Variants in DLG2 observed in about 807,000 individuals in gnomAD.
The protein encoded by DLG2 is discs large MAGUK scaffold protein 2, also known as disks large homolog 2.
A neutral mutation model predicts 132.5 loss-of-function variants in DLG2; 45 were observed. The observed-to-expected ratio is 0.34, with a 90% CI of 0.27 to 0.44. The LOEUF is 0.44. Ranked by LOEUF, DLG2 falls within the 20% of genes least tolerant of loss-of-function variation. The probability of loss-of-function intolerance (pLI) is 1.00; values close to 1 mark genes in which losing one functional copy is unlikely to be tolerated. For missense variants in DLG2, 1,045 were observed against 1,196.9 expected (o/e 0.87, Z 1.87); for synonymous variants, 424 against 419.6 (o/e 1.01, Z -0.13).
intron 3 of DLG2, among the ~76,000 whole-genome samples, chr11:85,357,964 C>G (rs1379999915): frequency 6.6e-6 from 1 of 151,352 alleles, no homozygotes; most frequent in East Asian, 2.0e-4. Flanking sequence ...TACCTATGTT[C>G]TGAGCTACTA....
intron 4 of DLG2, among the ~76,000 whole-genome samples, chr11:85,215,175 G>A (rs1195116643): frequency 1.3e-5 from 2 of 151,824 alleles, no homozygotes; most frequent in Non-Finnish European, 2.9e-5. Context: ...GCTAAAACAT[G>A]TGTGTATTTT....
At chr11:85,437,494 A>T (rs1367378000) in intron 3 of DLG2, among the ~76,000 whole-genome samples, 1 of 152,194 alleles carries the variant, frequency 6.6e-6, no homozygotes, top group African/African-American at 2.4e-5. Context: ...CTATGTACCC[A>T]GGGTCTTTGC....
chr11:83,782,455 A>C (rs2094870139), intron 18 of DLG2, among the ~76,000 whole-genome samples: 2 of 152,244 alleles, frequency 1.3e-5, no homozygotes, highest in African/African-American at 4.8e-5. Flanking sequence ...GCAAACTGTC[A>C]TAATGGGCAC....
intron 7 of DLG2, among the ~76,000 whole-genome samples, chr11:84,285,816 G>T (rs79920080): frequency 0.016 from 2,479 of 152,186 alleles, 75 homozygotes; most frequent in African/African-American, 0.056. Context: ...CTTCATTATG[G>T]ATAAAAACTA....
At chr11:84,038,511 C>T (rs928912263) in intron 11 of DLG2, among the ~76,000 whole-genome samples, 5 of 151,768 alleles carry the variant, frequency 3.3e-5, no homozygotes, top group Admixed American at 2.6e-4. Flanking sequence ...AAAGTATTTG[C>T]TTATTAAAAA....
rs540632498 is a variant in DLG2, at chr11:84,001,190, A to G, written c.920-20548T>C. On this transcript the variant is annotated intron_variant, in intron 11 of 27. Transcript: ENST00000376104. Reference sequence around the variant, plus strand: ...AACATGATCCAACTATATGCTGCCTATAAGAAACATACTTTACCTATAAAA... The same window carrying G: ...AACATGATCCAACTATATGCTGCCTGTAAGAAACATACTTTACCTATAAAA... Among the ~76,000 whole-genome samples, 42 of 152,130 alleles carry G rather than the reference A, an allele frequency of 2.8e-4. No homozygotes were observed. In the South Asian group the frequency reaches 4.4e-3, roughly 16 times the overall value.
chr11:84,872,035 A>C (rs1433976206), intron 6 of DLG2, among the ~76,000 whole-genome samples: 1 of 152,194 alleles, frequency 6.6e-6, no homozygotes, highest in African/African-American at 2.4e-5. Flanking sequence ...ATGTTCACTA[A>C]CAAGTTTATA....
intron 3 of DLG2, among the ~76,000 whole-genome samples, chr11:85,524,676 T>A (rs914307242): frequency 1.3e-5 from 2 of 152,126 alleles, no homozygotes; most frequent in Non-Finnish European, 2.9e-5. Context: ...TTATTTTTTG[T>A]AGAGATGAGG....
intron 3 of DLG2, among the ~76,000 whole-genome samples, chr11:85,357,238 T>TTG (rs71036472): frequency 0.18 from 21,610 of 117,898 alleles, 1,974 homozygotes; most frequent in Non-Finnish European, 0.2. Context: ...AATATCCTCT[T>TTG]TGTGTGTGTG....
At chr11:84,627,264 T>G (rs192849592) in intron 6 of DLG2, among the ~76,000 whole-genome samples, 3 of 152,170 alleles carry the variant, frequency 2.0e-5, no homozygotes, top group African/African-American at 7.2e-5. Context: ...CTATGCACAA[T>G]CACTTATTCA....
intron 4 of DLG2, among the ~76,000 whole-genome samples, chr11:85,206,159 A>G (rs971351197): frequency 5.9e-5 from 9 of 152,050 alleles, no homozygotes; most frequent in Non-Finnish European, 1.5e-5. Flanking sequence ...TGCTGTGGCT[A>G]TGTGAAGTGC....
intron 15 of DLG2, among the ~76,000 whole-genome samples, chr11:83,888,423 A>G (rs1198607624): frequency 6.6e-6 from 1 of 152,048 alleles, no homozygotes; most frequent in Non-Finnish European, 1.5e-5. Flanking sequence ...AAGGAGAACT[A>G]CAAACCACTG....
intron 3 of DLG2, among the ~76,000 whole-genome samples, chr11:85,502,486 T>C (rs1413407728): frequency 6.6e-6 from 1 of 151,950 alleles, no homozygotes; most frequent in Non-Finnish European, 1.5e-5. Flanking sequence ...AAGAATGAGT[T>C]CATGTCCTTT....
chr11:83,608,552 C>T (rs920089086), intron 19 of DLG2, among the ~76,000 whole-genome samples: 1 of 152,008 alleles, frequency 6.6e-6, no homozygotes, highest in Non-Finnish European at 1.5e-5. Context: ...GAATACTGTA[C>T]TGAAAGTGAA....
At chr11:85,089,013 T>C (rs1392317291) in intron 6 of DLG2, among the ~76,000 whole-genome samples, 1 of 152,208 alleles carries the variant, frequency 6.6e-6, no homozygotes, top group East Asian at 1.9e-4. Flanking sequence ...TCTCCTCTTT[T>C]ATGCTTTATA....
chr11:84,789,223 C>T (rs1030898422), intron 6 of DLG2, among the ~76,000 whole-genome samples: 2 of 152,072 alleles, frequency 1.3e-5, no homozygotes, highest in African/African-American at 4.8e-5. Context: ...AACAGGACTG[C>T]TACTATTTAT....
intron 7 of DLG2, among the ~76,000 whole-genome samples, chr11:84,367,538 A>G (rs929783966): frequency 1.3e-5 from 2 of 152,170 alleles, no homozygotes; most frequent in African/African-American, 2.4e-5. Flanking sequence ...TTAATCCCTA[A>G]TATAACAATA....
chr11:85,215,822 T>C (rs2082553250), intron 4 of DLG2, among the ~76,000 whole-genome samples: 1 of 152,184 alleles, frequency 6.6e-6, no homozygotes, highest in African/African-American at 2.4e-5. Flanking sequence ...TGTTTTTCTC[T>C]TGTAATATGT....
At chr11:85,460,972 G>A (rs1243881063) in intron 3 of DLG2, among the ~76,000 whole-genome samples, 1 of 152,134 alleles carries the variant, frequency 6.6e-6, no homozygotes, top group Non-Finnish European at 1.5e-5. Flanking sequence ...ATTTGTGGTG[G>A]TGCTCATTTA....
Sources: gnomAD v4.1 joint callset for allele counts (sites outside exome capture counted in the v4.1 genomes callset) on GRCh38, gnomAD v4.1.1 for gene constraint, MANE v1.5 for transcripts, NCBI Gene and HGNC (gene_info 2026-07-23, HGNC 2026-07-21) for gene names.